Variants in CHKA observed in about 807,000 individuals in gnomAD.
CHKA encodes CHETK-alpha.
In CHKA, 34 loss-of-function variants were observed where a neutral mutation model predicts 60.1. That is an observed-to-expected ratio of 0.57 (90% CI 0.43 to 0.75). The LOEUF (loss-of-function observed/expected upper bound fraction) is 0.75, where lower values mean the gene tolerates loss of function less well. Ranked by LOEUF, CHKA falls within the 30% of genes least tolerant of loss-of-function variation. The probability of loss-of-function intolerance (pLI) is 0.00; values close to 1 mark genes in which losing one functional copy is unlikely to be tolerated. For missense variants in CHKA, 563 were observed against 561.3 expected, an observed-to-expected ratio of 1.00 and a Z score of -0.03; for synonymous variants, 217 against 223.1, an observed-to-expected ratio of 0.97 and a Z score of 0.24.
chr11:68,053,713 T>C lies in CHKA; in HGVS notation c.*275A>G. On this transcript the variant is annotated 3_prime_UTR_variant, in exon 12 of 12. Transcript: ENST00000265689. ...GAAACCTTAGCCCCCAAATATGAAATGCCTTCTCTAGATTAAAAGGATTCA... is the reference window on the plus strand; with the variant it reads ...GAAACCTTAGCCCCCAAATATGAAACGCCTTCTCTAGATTAAAAGGATTCA... The C allele has an allele frequency of 2.9e-6, 1 of 349,546 alleles. No homozygotes were observed. The highest frequency in any genetic ancestry group is 6.2e-5 in the South Asian group (1 of 16,068). The allele number at this position is 349,546 out of a possible 1,614,324, so 21.7% of individuals were successfully genotyped here.
chr11:68,060,195 T>C (rs1443072022), intron 11 of CHKA, among the ~76,000 whole-genome samples: 1 of 147,166 alleles, frequency 6.8e-6, no homozygotes, highest in Non-Finnish European at 1.5e-5. Context: ...GCCCAGCTAA[T>C]TTTTTTTTTT....
rs763781221 is a variant in CHKA at position 68,054,046 on chromosome 11, T to A, written c.1316A>T (p.Asp439Val). ...GGCATCAAACCTTGCTTGGGCGTAG[T>A]CCTAGGAGACAGCAAAGAGAAGGCC... ...KISSIEFGYM[D>V]YAQARFDAYF... The change falls in exon 12 of 12, where the codon GAC becomes GTC. Residue 439 changes from aspartate to valine, a missense_variant and splice_region_variant. By Grantham distance (152) the Asp-to-Val change is radical. Transcript: ENST00000265689. 6 of 1,612,242 alleles carry A rather than the reference T, an allele frequency of 3.7e-6. No individual in the cohort carries two copies. Among genetic ancestry groups the A allele is most frequent in the East Asian group, 4.5e-5 (2 of 44,884 alleles).
At chr11:68,093,839 T>C (rs931892076) in intron 2 of CHKA, among the ~76,000 whole-genome samples, 7 of 152,232 alleles carry the variant, frequency 4.6e-5, no homozygotes, top group African/African-American at 1.7e-4. Context: ...GTGACTATTT[T>C]AATTTAAATT....
intron 3 of CHKA, among the ~76,000 whole-genome samples, chr11:68,075,692 T>C (rs954832454): frequency 6.6e-6 from 1 of 151,964 alleles, no homozygotes; most frequent in Non-Finnish European, 1.5e-5. Flanking sequence ...TCCCAACACT[T>C]TGGGAGGCTG....
intron 2 of CHKA, among the ~76,000 whole-genome samples, chr11:68,087,514 T>C (rs777652415): frequency 1.3e-5 from 2 of 151,664 alleles, no homozygotes; most frequent in Middle Eastern, 3.4e-3. Context: ...TAATATAGAA[T>C]AGAAATAGGT....
At chr11:68,117,706 AAGGT>A (rs1391688830) in intron 1 of CHKA, among the ~76,000 whole-genome samples, 1 of 152,128 alleles carries the variant, frequency 6.6e-6, no homozygotes, top group Admixed American at 6.6e-5. Flanking sequence ...AAAAAATAAA[AAGGT>A]AGGCCAAGGC....
At chr11:68,118,147 A>C (rs955425940) in intron 1 of CHKA, among the ~76,000 whole-genome samples, 15 of 152,202 alleles carry the variant, frequency 9.9e-5, no homozygotes, top group African/African-American at 7.2e-5. Context: ...ACGGAGCTCC[A>C]GAAACGGATC....
At chr11:68,111,357 A>G (rs1223909007) in intron 1 of CHKA, among the ~76,000 whole-genome samples, 5 of 151,904 alleles carry the variant, frequency 3.3e-5, no homozygotes, top group Non-Finnish European at 5.9e-5. Flanking sequence ...GGTTGCAGTG[A>G]GCCGAGATCG....
chr11:68,099,617 A>G (rs895558388), intron 1 of CHKA, among the ~76,000 whole-genome samples: 18 of 142,594 alleles, frequency 1.3e-4, no homozygotes, highest in African/African-American at 4.4e-4. Flanking sequence ...AACCAAAAGC[A>G]GCCTTAACCT....
Position 68,121,095 on chromosome 11 carries a change from G to A in CHKA, c.83C>T (p.Ala28Val). The A allele has an allele frequency of 1.9e-5, 22 of 1,147,638 alleles. No individual in the cohort carries two copies. The highest frequency in any genetic ancestry group is 2.4e-5 in the Non-Finnish European group (22 of 933,968). 71.1% of individuals were successfully genotyped at this position (1,147,638 alleles called of 1,614,324 possible). Residue 28 changes from alanine to valine, a missense_variant, in exon 1 of 12, where the codon GCC (alanine) becomes GTC (valine). Coordinates refer to ENST00000265689, the MANE Select transcript of CHKA (RefSeq NM_001277.3). ...CTGCTGCCCCACGCCGGGCGCCGGG[G>A]CCGCGCTGCCGCTACCGCAGCTCAG... ...LLLSCGSGSA[A>V]PAPGVGQQRD... is the part of the protein sequence containing the mutation.
chr11:68,079,314 A>G (rs944610824), intron 3 of CHKA, among the ~76,000 whole-genome samples: 15 of 151,144 alleles, frequency 9.9e-5, no homozygotes, highest in East Asian at 5.9e-4. Flanking sequence ...TGAGGGGTGC[A>G]TGGGAAATCT....
At chr11:68,091,853 C>T (rs1011768258) in intron 2 of CHKA, among the ~76,000 whole-genome samples, 6 of 152,164 alleles carry the variant, frequency 3.9e-5, no homozygotes, top group African/African-American at 1.4e-4. Context: ...CTCTGATTCT[C>T]ACAGAGGTAA....
intron 2 of CHKA, among the ~76,000 whole-genome samples, chr11:68,089,066 A>G (rs1364137474): frequency 6.6e-6 from 1 of 152,234 alleles, no homozygotes; most frequent in East Asian, 1.9e-4. Flanking sequence ...GGACATTAAT[A>G]ATTTCAAAAT....
Position 68,120,822 on chromosome 11 carries a change from A to G in CHKA, c.350+6T>C. ...TCCCGCGGCCCCCAGACCCGGCGCC[A>G]CCGACCTGATGACACTGATGTGGAA... On this transcript the variant is annotated splice_donor_region_variant and intron_variant, in intron 1 of 11. Transcript: ENST00000265689. The G allele has an allele frequency of 8.4e-7, 1 of 1,195,264 alleles. No individual in the cohort carries two copies. The highest frequency in any genetic ancestry group is 1.1e-6 in the Non-Finnish European group (1 of 949,512). 74.0% of individuals were successfully genotyped at this position (1,195,264 alleles called of 1,614,324 possible).
At chr11:68,083,416 T>A (rs1857049476) in intron 2 of CHKA, among the ~76,000 whole-genome samples, 1 of 152,176 alleles carries the variant, frequency 6.6e-6, no homozygotes, top group African/African-American at 2.4e-5. Context: ...CTTTGCAGTA[T>A]AAGCTTTAAG....
At chr11:68,054,370 G>T (rs999749712) in intron 11 of CHKA, among the ~76,000 whole-genome samples, 1 of 152,180 alleles carries the variant, frequency 6.6e-6, no homozygotes, top group African/African-American at 2.4e-5. Flanking sequence ...TGCTAACCCT[G>T]GGTGCTGTGG....
intron 2 of CHKA, among the ~76,000 whole-genome samples, chr11:68,085,503 G>C (rs1857150244): frequency 6.6e-6 from 1 of 152,034 alleles, no homozygotes; most frequent in Non-Finnish European, 1.5e-5. Flanking sequence ...TTACAGGCAT[G>C]AGCCACCATG....
chr11:68,115,338 G>A (rs996292743), intron 1 of CHKA, among the ~76,000 whole-genome samples: 1 of 152,118 alleles, frequency 6.6e-6, no homozygotes, highest in African/African-American at 2.4e-5. Flanking sequence ...TTATACGGTG[G>A]CCAAAAACCA....
chr11:68,117,930 G>A (rs1858453442), intron 1 of CHKA, among the ~76,000 whole-genome samples: 2 of 152,194 alleles, frequency 1.3e-5, no homozygotes, highest in Admixed American at 1.3e-4. Context: ...AGTTACAACT[G>A]TGTGCAGAGG....
Sources: gnomAD v4.1 joint callset for allele counts (sites outside exome capture counted in the v4.1 genomes callset) on GRCh38, gnomAD v4.1.1 for gene constraint, MANE v1.5 for transcripts, NCBI Gene and HGNC (gene_info 2026-07-23, HGNC 2026-07-21) for gene names.